SLC35F2: variants seen among roughly 807,000 people sequenced by gnomAD.
SLC35F2 encodes queuine/queuosine transporter SLC35F2.
In SLC35F2, 25 loss-of-function variants were observed where a neutral mutation model predicts 38.1. The observed-to-expected ratio is 0.66, with a 90% CI of 0.48 to 0.92. The LOEUF is 0.92. Ranked by LOEUF, SLC35F2 falls within the 40% of genes least tolerant of loss-of-function variation. The pLI is 0.00. For missense variants in SLC35F2, 409 were observed against 452.9 expected, an observed-to-expected ratio of 0.90 and a Z score of 0.88; for synonymous variants, 173 against 181.7, an observed-to-expected ratio of 0.95 and a Z score of 0.38.
intron 6 of SLC35F2, among the ~76,000 whole-genome samples, chr11:107,804,267 A>G (rs1465541063): frequency 6.6e-6 from 1 of 152,086 alleles, no homozygotes; most frequent in African/African-American, 2.4e-5. Flanking sequence ...CTGTCCCATC[A>G]CCATTTTCTT....
In SLC35F2 at chr11:107,815,226, T is replaced by C. The variant is rs183875421; in HGVS notation, c.286+564A>G. Among the ~76,000 whole-genome samples, 251 of 149,678 alleles carry C rather than the reference T, an allele frequency of 1.7e-3. 2 individuals are homozygous for C. The highest frequency in any genetic ancestry group is 5.7e-3 in the African/African-American group (224 of 39,502). ...TTAATATTTTAAAATATTTTTAAAA[T>C]TGGGGGGGAAACCTAACTTGTAATG... On this transcript the variant is annotated intron_variant, in intron 2 of 7. Transcript: ENST00000525815.
chr11:107,841,881 A>G (rs146182549), intron 1 of SLC35F2, among the ~76,000 whole-genome samples: 2,257 of 151,910 alleles, frequency 0.015, 40 homozygotes, highest in South Asian at 0.085. Context: ...TGGCCAACAT[A>G]GTGAAACCCC....
chr11:107,823,935 AAAAAAAAAG>A, intron 1 of SLC35F2: 7 of 941,482 alleles, frequency 7.4e-6, no homozygotes, highest in Non-Finnish European at 7.6e-6. Context: ...TCAAAAAAAA[AAAAAAAAAG>A]AAAAAAGAAA....
At chr11:107,793,564 A>G (rs1398352088) in intron 7 of SLC35F2, among the ~76,000 whole-genome samples, 2 of 152,154 alleles carry the variant, frequency 1.3e-5, no homozygotes, top group Admixed American at 6.5e-5. Context: ...CAGCCTCTCA[A>G]TGTGTGCTAT....
intron 1 of SLC35F2, among the ~76,000 whole-genome samples, chr11:107,831,642 C>T (rs371858866): frequency 6.6e-6 from 1 of 152,194 alleles, no homozygotes; most frequent in Non-Finnish European, 1.5e-5. Context: ...TCCTATATTT[C>T]CCAGGTAGGT....
chr11:107,793,258 T>C (rs1247947215), intron 7 of SLC35F2, among the ~76,000 whole-genome samples: 2 of 152,204 alleles, frequency 1.3e-5, no homozygotes, highest in Non-Finnish European at 2.9e-5. Context: ...GAGATGCTAA[T>C]GCACAAAACC....
At chr11:107,821,740 A>C in intron 1 of SLC35F2, 1 of 513,700 alleles carries the variant, frequency 1.9e-6, no homozygotes, top group Non-Finnish European at 2.5e-6. Flanking sequence ...CTCCACTAAA[A>C]TGAACTTCAA....
intron 6 of SLC35F2, 21 bp downstream of exon 6, chr11:107,804,697 A>C (rs765212994): frequency 6.5e-7 from 1 of 1,548,034 alleles, no homozygotes; most frequent in Non-Finnish European, 8.9e-7. Context: ...GCTGACTAAA[A>C]GGAATTATTT....
chr11:107,805,649 T>C, intron 4 of SLC35F2, 134 bp from the exon 5 acceptor site: 1 of 1,449,420 alleles, frequency 6.9e-7, no homozygotes, highest in Non-Finnish European at 9.0e-7. Context: ...TAGAAGTTTA[T>C]GTGTGAGAGT....
At chr11:107,857,243 G>A (rs1180322980) in intron 1 of SLC35F2, among the ~76,000 whole-genome samples, 1 of 141,692 alleles carries the variant, frequency 7.1e-6, no homozygotes, top group Non-Finnish European at 1.5e-5. Flanking sequence ...GGGAGGGAGG[G>A]AACTGGAGTA....
At chr11:107,829,605 C>T (rs897637984) in intron 1 of SLC35F2, among the ~76,000 whole-genome samples, 5 of 147,478 alleles carry the variant, frequency 3.4e-5, no homozygotes, top group Non-Finnish European at 7.4e-5. Context: ...ACCAGTCTTG[C>T]ATATTTTTAT....
chr11:107,834,429 T>C (rs1859898245), intron 1 of SLC35F2, among the ~76,000 whole-genome samples: 1 of 152,084 alleles, frequency 6.6e-6, no homozygotes, highest in Non-Finnish European at 1.5e-5. Context: ...GGTGGGTGGA[T>C]CACTTGAGGT....
Position 107,843,878 on chromosome 11 carries a change from T to A in SLC35F2, c.110+14780A>T, listed in dbSNP as rs1349141611. ...AAAAAAAAAAAAAAAAATATATATA[T>A]ATATATATATATATATATATATATA... On this transcript the variant is annotated intron_variant, in intron 1 of 7. Transcript: ENST00000525815. Among the ~76,000 whole-genome samples the A allele has an allele frequency of 1.2e-3, 39 of 31,206 alleles. 2 individuals carry two copies. The highest frequency in any genetic ancestry group is 3.1e-3 in the East Asian group (4 of 1,308). The allele number at this position is 31,206 out of a possible 152,430, so 20.5% of individuals were successfully genotyped here.
chr11:107,822,935 T>C (rs1007369751), intron 1 of SLC35F2, among the ~76,000 whole-genome samples: 1 of 151,858 alleles, frequency 6.6e-6, no homozygotes, highest in African/African-American at 2.4e-5. Flanking sequence ...ACACTAGTTT[T>C]ACATTATATA....
At position 107,831,578 on chromosome 11, in the gene SLC35F2, T is replaced by TTG. The variant is rs150553684; in HGVS notation, c.111-15614_111-15613insCA. 9.8e-3 allele frequency among the ~76,000 whole-genome samples: 1,485 copies of TTG among 152,210 alleles called. 33 individuals carry two copies. The highest frequency in any genetic ancestry group is 0.034 in the African/African-American group (1,425 of 41,530). Reference sequence around the variant, plus strand: ...CAGATACAAAATTATCTTCGTGAAGTGGGGGGACATGTAATTTCTTTGCCC... The same window carrying TTG: ...CAGATACAAAATTATCTTCGTGAAGTTGGGGGGGACATGTAATTTCTTTGCCC... On this transcript the variant is annotated intron_variant, in intron 1 of 7. Coordinates refer to ENST00000525815, the MANE Select transcript of SLC35F2 (RefSeq NM_017515.5).
chr11:107,800,642 T>A (rs1859291824), intron 7 of SLC35F2, among the ~76,000 whole-genome samples: 1 of 152,070 alleles, frequency 6.6e-6, no homozygotes, highest in East Asian at 1.9e-4. Context: ...TGTGATCAGA[T>A]CATGGCTCAC....
chr11:107,843,865 AAAAATATATATATAT>A (rs1435619341), intron 1 of SLC35F2, among the ~76,000 whole-genome samples: 85 of 35,268 alleles, frequency 2.4e-3, no homozygotes, highest in African/African-American at 8.9e-3. Flanking sequence ...AAAAAAAAAA[AAAAATATATATATAT>A]ATATATATAT....
At chr11:107,818,108 G>GAAAGAAAGAA (rs1859611486) in intron 1 of SLC35F2, among the ~76,000 whole-genome samples, 1 of 130,074 alleles carries the variant, frequency 7.7e-6, no homozygotes, top group Admixed American at 7.2e-5. Flanking sequence ...AAGAAAGAAA[G>GAAAGAAAGAA]AAAGAAAGAA....
intron 7 of SLC35F2, among the ~76,000 whole-genome samples, chr11:107,798,403 G>A (rs1859253424): frequency 6.6e-6 from 1 of 152,146 alleles, no homozygotes; most frequent in East Asian, 1.9e-4. Flanking sequence ...TGTTATATTT[G>A]GTTTGGTGGC....
Sources: allele counts gnomAD v4.1 joint callset (sites outside exome capture counted in the v4.1 genomes callset), GRCh38; gene constraint gnomAD v4.1.1; transcripts MANE v1.5; gene names NCBI Gene and HGNC (gene_info 2026-07-23, HGNC 2026-07-21).